Variants in KCNN2 observed in about 807,000 individuals in gnomAD.
KCNN2 encodes the protein potassium calcium-activated channel subfamily N member 2, also known as small conductance calcium-activated potassium channel protein 2.
KCNN2 carries 24 observed loss-of-function variants against 55.5 expected under a neutral mutation model. The observed-to-expected ratio is 0.43, with a 90% CI of 0.31 to 0.61. The LOEUF (loss-of-function observed/expected upper bound fraction) is 0.61. KCNN2 is among the 20% of genes least tolerant of loss of function. The pLI, the probability that KCNN2 is intolerant of heterozygous loss-of-function variation, is 0.08. For synonymous variants in KCNN2, 431 were observed against 336.1 expected (o/e 1.28, Z -3.09); for missense variants, 754 against 853.6 (o/e 0.88, Z 1.45).
intron 1 of KCNN2, among the ~76,000 whole-genome samples, chr5:114,180,329 TACCC>T (rs1464978602): frequency 6.6e-6 from 1 of 152,196 alleles, no homozygotes; most frequent in Non-Finnish European, 1.5e-5. Context: ...ACTTGTTTTA[TACCC>T]TTATTGTCAC....
At chr5:114,170,838 A>G (rs1192914260) in intron 1 of KCNN2, among the ~76,000 whole-genome samples, 1 of 152,042 alleles carries the variant, frequency 6.6e-6, no homozygotes, top group Non-Finnish European at 1.5e-5. Flanking sequence ...ACCTTTAGAA[A>G]CCAGCTTACC....
chr5:114,288,158 G>A (rs1755793936), intron 2 of KCNN2, among the ~76,000 whole-genome samples: 1 of 152,182 alleles, frequency 6.6e-6, no homozygotes, highest in South Asian at 2.1e-4. Flanking sequence ...GTTCATCCAA[G>A]TGAGAGCATA....
intron 2 of KCNN2, among the ~76,000 whole-genome samples, chr5:114,260,452 T>A (rs543311304): frequency 5.2e-4 from 79 of 152,288 alleles, no homozygotes; most frequent in African/African-American, 1.6e-3. Flanking sequence ...ATCAATCAGG[T>A]CCAAGTCAGT....
Position 114,363,002 on chromosome 5 carries a change from C to T in KCNN2, c.863C>T (p.Ser288Phe). ...GTGTCTAAGCCCGAGCACAACAACT[C>T]CAACAACCTGGCGCTCTATGGAACC... is the stretch of plus-strand genomic sequence containing the variant. The part of the protein sequence containing the change: ...IVVSKPEHNN[S>F]NNLALYGTGG... Residue 288 changes from serine (S) to phenylalanine (F), a missense_variant, in exon 1 of 8, where the codon TCC becomes TTC. Physicochemically the swap from Ser to Phe is radical, Grantham distance 155. Coordinates refer to ENST00000673685, the MANE Select transcript of KCNN2 (RefSeq NM_021614.4). The T allele has an allele frequency of 1.9e-6, 3 of 1,596,414 alleles. No homozygotes were observed. The highest frequency in any genetic ancestry group is 1.7e-6 in the Non-Finnish European group (2 of 1,175,446).
At chr5:114,168,879 G>A (rs193040975) in intron 1 of KCNN2, among the ~76,000 whole-genome samples, 38 of 152,148 alleles carry the variant, frequency 2.5e-4, no homozygotes, top group African/African-American at 9.2e-4. Flanking sequence ...ATATGGTTTG[G>A]CTCTGTGTCC....
chr5:114,106,971 C>A (rs1342262373), intron 1 of KCNN2, among the ~76,000 whole-genome samples: 1 of 151,958 alleles, frequency 6.6e-6, no homozygotes. Context: ...TGAAGATATT[C>A]TCCTATTCAA....
At chr5:114,067,807 ACT>A (rs1175312754) in intron 1 of KCNN2, among the ~76,000 whole-genome samples, 1 of 152,006 alleles carries the variant, frequency 6.6e-6, no homozygotes, top group Non-Finnish European at 1.5e-5. Flanking sequence ...TTTGAGAACA[ACT>A]CTCTATATTG....
intron 1 of KCNN2, among the ~76,000 whole-genome samples, chr5:114,065,859 T>G (rs953868455): frequency 7.1e-4 from 86 of 121,188 alleles, no homozygotes; most frequent in African/African-American, 2.4e-3. Flanking sequence ...TTTTTTTTTT[T>G]TTTTTTTTTT....
chr5:114,225,816 T>C (rs1214371851), intron 2 of KCNN2, among the ~76,000 whole-genome samples: 5 of 152,216 alleles, frequency 3.3e-5, no homozygotes, highest in Non-Finnish European at 7.4e-5. Context: ...CATTTAAGTA[T>C]GAATATAGAG....
chr5:114,118,165 A>C (rs1580529551), intron 1 of KCNN2, among the ~76,000 whole-genome samples: 1 of 152,280 alleles, frequency 6.6e-6, no homozygotes, highest in East Asian at 1.9e-4. Context: ...CTTAGTGAAA[A>C]GGCAAGTCTT....
intron 5 of KCNN2, among the ~76,000 whole-genome samples, chr5:114,478,438 G>A (rs950428523): frequency 2.6e-5 from 4 of 151,960 alleles, no homozygotes; most frequent in Non-Finnish European, 5.9e-5. Flanking sequence ...GTACCTGAAA[G>A]AGATGGGGAG....
intron 5 of KCNN2, among the ~76,000 whole-genome samples, chr5:114,478,682 G>A (rs958835806): frequency 7.2e-5 from 11 of 152,158 alleles, no homozygotes; most frequent in South Asian, 4.1e-4. Flanking sequence ...AATAAAACCC[G>A]TCTGACTAAC....
intron 3 of KCNN2, among the ~76,000 whole-genome samples, chr5:114,420,924 A>G (rs1053345436): frequency 1.7e-4 from 26 of 152,298 alleles, no homozygotes; most frequent in African/African-American, 6.3e-4. Flanking sequence ...TTAGGTAAAA[A>G]TAATATTCCC....
At chr5:114,102,785 C>T (rs1051351776) in intron 1 of KCNN2, among the ~76,000 whole-genome samples, 1 of 152,100 alleles carries the variant, frequency 6.6e-6, no homozygotes, top group Non-Finnish European at 1.5e-5. Context: ...TGTTCTGTTC[C>T]ATTGCTCTAT....
At chr5:114,148,235 A>G (rs1375003796) in intron 1 of KCNN2, among the ~76,000 whole-genome samples, 1 of 152,148 alleles carries the variant, frequency 6.6e-6, no homozygotes, top group Non-Finnish European at 1.5e-5. Context: ...GCCATTTCTT[A>G]GGAATCGTGG....
intron 2 of KCNN2, among the ~76,000 whole-genome samples, chr5:114,228,194 T>C (rs1232062234): frequency 6.6e-6 from 1 of 152,118 alleles, no homozygotes; most frequent in Non-Finnish European, 1.5e-5. Flanking sequence ...ATTATTAGAA[T>C]CAAATTCTCT....
chr5:114,406,480 T>C (rs1256145004), intron 3 of KCNN2, among the ~76,000 whole-genome samples: 2 of 152,052 alleles, frequency 1.3e-5, no homozygotes, highest in African/African-American at 2.4e-5. Flanking sequence ...CTGTATAAAC[T>C]GCATTTGTAG....
intron 1 of KCNN2, among the ~76,000 whole-genome samples, chr5:114,158,909 A>G (rs1230371595): frequency 1.3e-5 from 2 of 152,158 alleles, no homozygotes; most frequent in African/African-American, 4.8e-5. Context: ...TTGGGCTGAG[A>G]TGATGGGGTT....
At chr5:114,428,968 T>C (rs1759708439) in intron 3 of KCNN2, among the ~76,000 whole-genome samples, 1 of 152,116 alleles carries the variant, frequency 6.6e-6, no homozygotes, top group South Asian at 2.1e-4. Flanking sequence ...CATGTACTCA[T>C]TAGAGGGCAT....
Sources: gnomAD v4.1 joint callset for allele counts (sites outside exome capture counted in the v4.1 genomes callset) on GRCh38, gnomAD v4.1.1 for gene constraint, MANE v1.5 for transcripts, NCBI Gene and HGNC (gene_info 2026-07-23, HGNC 2026-07-21) for gene names.